Variants in GSS observed in about 807,000 individuals in gnomAD.
The protein encoded by GSS is GSH synthetase.
Under a neutral mutation model 60.4 loss-of-function variants are expected in GSS, and 34 were observed. That is an observed-to-expected ratio of 0.56 (90% CI 0.43 to 0.75). The LOEUF (loss-of-function observed/expected upper bound fraction) is 0.75. Among genes scored for constraint, GSS ranks in the 30% least tolerant of loss-of-function variants. The pLI, the probability that GSS is intolerant of heterozygous loss-of-function variation, is 0.00. For missense variants in GSS, 499 were observed against 595.1 expected (o/e 0.84, Z 1.68); for synonymous variants, 224 against 239.0 (o/e 0.94, Z 0.58).
chr20:34,943,696 C>T (rs1484112539), intron 3 of GSS, among the ~76,000 whole-genome samples: 1 of 152,140 alleles, frequency 6.6e-6, no homozygotes, highest in Non-Finnish European at 1.5e-5. Flanking sequence ...AACTAAGAAC[C>T]ACTCCTTTAC....
intron 2 of GSS, chr20:34,950,282 G>C (rs892759665): frequency 2.0e-5 from 3 of 152,012 alleles, no homozygotes; most frequent in Non-Finnish European, 4.4e-5. Context: ...CCTGCCTTAG[G>C]TGACAGACAT....
chr20:34,930,820 C>A (rs1348981299), intron 11 of GSS, among the ~76,000 whole-genome samples: 1 of 152,188 alleles, frequency 6.6e-6, no homozygotes, highest in African/African-American at 2.4e-5. Context: ...CCTCCCAGCT[C>A]CCCCTCCAGC....
At chr20:34,948,560 C>T (rs1234854918) in intron 2 of GSS, among the ~76,000 whole-genome samples, 1 of 152,128 alleles carries the variant, frequency 6.6e-6, no homozygotes, top group Admixed American at 6.5e-5. Flanking sequence ...CCGAGGCGGG[C>T]AGATCACAAG....
At chr20:34,949,089 G>GA (rs1173462599) in intron 2 of GSS, among the ~76,000 whole-genome samples, 2 of 152,046 alleles carry the variant, frequency 1.3e-5, no homozygotes, top group African/African-American at 4.8e-5. Context: ...ATACTCTGGT[G>GA]AAAACAACTG....
At chr20:34,953,817 G>A (rs1484722873) in intron 1 of GSS, among the ~76,000 whole-genome samples, 2 of 151,934 alleles carry the variant, frequency 1.3e-5, no homozygotes, top group Non-Finnish European at 2.9e-5. Context: ...GGGTTTCACC[G>A]TGTTAGCCAG....
intron 2 of GSS, among the ~76,000 whole-genome samples, chr20:34,947,428 A>G (rs1195609386): frequency 1.3e-5 from 2 of 152,192 alleles, no homozygotes; most frequent in African/African-American, 2.4e-5. Flanking sequence ...CAAATACATG[A>G]TACAAAATTC....
intron 12 of GSS, 23 bp downstream of exon 12, chr20:34,929,378 A>C: frequency 6.2e-7 from 1 of 1,601,738 alleles, no homozygotes; most frequent in Non-Finnish European, 8.6e-7. Context: ...GGTAGTGGAA[A>C]GAGCTTCTCC....
chr20:34,935,605 C>T lies in GSS; in HGVS notation c.805G>A (p.Gly269Ser). The change falls in exon 9 of 13, where the codon GGC becomes AGC. Residue 269 changes from glycine to serine, a missense_variant. Transcript: ENST00000651619. The part of the protein sequence containing the change: ...QEIAVVYFRD[G>S]YMPRQYSLQN... The stretch of plus-strand genomic sequence containing the variant: ...AGACTGTACTGACGAGGCATGTAGC[C>T]ATCCCGGAAGTAAACCACAGCAATT... 1.2e-6 allele frequency: 2 copies of T among 1,613,440 alleles called. No homozygotes were observed. Among genetic ancestry groups the T allele is most frequent in the East Asian group, 4.5e-5 (2 of 44,878 alleles).
chr20:34,951,742 CT>C lies in GSS; in HGVS notation c.110del (p.Gln37ArgfsTer9). The C allele has an allele frequency of 6.2e-7, 1 of 1,610,404 alleles. No homozygotes were observed. Among genetic ancestry groups the C allele is most frequent in the East Asian group, 2.2e-5 (1 of 44,808 alleles). On this transcript the variant is annotated frameshift_variant, in exon 2 of 13. Coordinates refer to ENST00000651619, the MANE Select transcript of GSS (RefSeq NM_000178.4). LOFTEE classifies it high-confidence loss of function. The part of the protein sequence containing the change: ...LAEGVLLRTS[Q>X]EPTSSEVVSY... ...GGCTTACCTCCGAGGAAGTGGGCTC[CT>C]GTGAGGTCCTCAGCAATACTCCCTC...
intron 7 of GSS, 27 bp from the exon 8 acceptor site, chr20:34,936,867 G>A (rs1569011797): frequency 3.7e-6 from 6 of 1,610,178 alleles, no homozygotes; most frequent in African/African-American, 1.3e-5. Flanking sequence ...AGAGCCAGAG[G>A]GAATGGATGC....
At chr20:34,941,684 A>T in intron 6 of GSS, 29 bp downstream of exon 6, 1 of 1,191,566 alleles carries the variant, frequency 8.4e-7, no homozygotes, top group Non-Finnish European at 1.3e-6. Flanking sequence ...CTAAAGCAGG[A>T]TCCTCCTGCT....
chr20:34,930,879 G>A (rs543053357), intron 11 of GSS, among the ~76,000 whole-genome samples: 11 of 151,962 alleles, frequency 7.2e-5, no homozygotes, highest in Admixed American at 2.0e-4. Context: ...TTCATGGCCC[G>A]GTGCCTTGGC....
chr20:34,953,402 T>C (rs2081583975), intron 1 of GSS, among the ~76,000 whole-genome samples: 1 of 152,088 alleles, frequency 6.6e-6, no homozygotes, highest in Admixed American at 6.6e-5. Flanking sequence ...CCTGATAATA[T>C]CCCTGTTGAG....
At chr20:34,929,038 G>A in intron 12 of GSS, 87 bp from the exon 13 acceptor site, 3 of 1,508,712 alleles carry the variant, frequency 2.0e-6, no homozygotes, top group Non-Finnish European at 2.8e-6. Flanking sequence ...GCAGTACCTG[G>A]GTAACTGTCT....
At chr20:34,948,247 A>G (rs1447954352) in intron 2 of GSS, among the ~76,000 whole-genome samples, 2 of 152,216 alleles carry the variant, frequency 1.3e-5, no homozygotes, top group Non-Finnish European at 2.9e-5. Context: ...TACCCTGAGT[A>G]GCTATGTGAT....
Position 34,942,488 on chromosome 20 carries a change from C to G in GSS, c.491G>C (p.Arg164Pro). The G allele has an allele frequency of 6.2e-7, 1 of 1,613,278 alleles. No homozygotes were observed. Among genetic ancestry groups the G allele is most frequent in the Non-Finnish European group, 8.5e-7 (1 of 1,179,734 alleles). ...GCCGGGGGCTGCCCAGGGGACCCAC[C>G]GGTGCACAGCTGGGGTCCGGGAGGC... ...GLASRTPAVH[R>P]HVLSVLSKTK... Residue 164 changes from arginine to proline, a missense_variant and splice_region_variant, in exon 5 of 13, where the codon CGA (arginine) becomes CCA (proline). By Grantham distance (103) the Arg-to-Pro change is moderately radical (BLOSUM62 -2). Coordinates refer to ENST00000651619, the MANE Select transcript of GSS (RefSeq NM_000178.4).
chr20:34,934,613 G>A (rs1201247280), intron 9 of GSS, among the ~76,000 whole-genome samples: 3 of 152,114 alleles, frequency 2.0e-5, no homozygotes, highest in African/African-American at 7.2e-5. Context: ...TATCTCTCCT[G>A]TAGTCAGCAA....
intron 6 of GSS, among the ~76,000 whole-genome samples, chr20:34,939,961 C>T (rs2081470049): frequency 6.6e-6 from 1 of 152,264 alleles, no homozygotes; most frequent in South Asian, 2.1e-4. Context: ...TGAGCCACTG[C>T]ACCCGGCCTA....
In GSS at chr20:34,936,976, T is replaced by C. The variant is rs28938472; in HGVS notation, c.656A>G (p.Asp219Gly). Reference sequence around the variant, plus strand: ...TAGCTCATTCTCTATGGCACGCTGGTCAAATATGTTTCTTTCCTTCTCTTG... The same window carrying C: ...TAGCTCATTCTCTATGGCACGCTGGCCAAATATGTTTCTTTCCTTCTCTTG... ...IAQEKERNIF[D>G]QRAIENELLA... The change falls in exon 7 of 13, where the codon GAC becomes GGC. Residue 219 changes from aspartate to glycine, a missense_variant. Coordinates refer to ENST00000651619, the MANE Select transcript of GSS (RefSeq NM_000178.4). 1.4e-5 allele frequency: 22 copies of C among 1,613,760 alleles called. No homozygotes were observed. Among genetic ancestry groups the C allele is most frequent in the Non-Finnish European group, 1.9e-5 (22 of 1,179,938 alleles).
Sources: gnomAD v4.1 joint callset for allele counts (sites outside exome capture counted in the v4.1 genomes callset) on GRCh38, gnomAD v4.1.1 for gene constraint, MANE v1.5 for transcripts, NCBI Gene and HGNC (gene_info 2026-07-23, HGNC 2026-07-21) for gene names.